The following ARHGAP23 variants were observed in gnomAD, a reference collection of about 807,000 sequenced individuals.
The protein encoded by ARHGAP23 is Rho GTPase activating protein 23.
A neutral mutation model predicts 136.3 loss-of-function variants in ARHGAP23; 34 were observed. The ratio of observed to expected loss-of-function variants is 0.25; its 90% confidence interval spans 0.19 to 0.33. The LOEUF (loss-of-function observed/expected upper bound fraction) is 0.33, where lower values mean the gene tolerates loss of function less well. ARHGAP23 is among the 10% of genes least tolerant of loss of function. ARHGAP23 has a pLI of 1.00. For synonymous variants in ARHGAP23, 832 were observed against 920.5 expected (o/e 0.90, Z 1.74); for missense variants, 1,808 against 2,139.0 (o/e 0.85, Z 3.05).
rs913535745 is a variant in ARHGAP23, at chr17:38,467,201, A to G, written c.1518A>G (p.Ala506=). The G allele has an allele frequency of 1.9e-6, 3 of 1,550,888 alleles. No individual in the cohort carries two copies. In the African/African-American group the frequency reaches 4.1e-5, roughly 21 times the overall value. Residue 506 remains alanine (A), a synonymous_variant, in exon 7 of 24, where the codon GCA becomes GCG. Coordinates refer to ENST00000622683, the MANE Select transcript of ARHGAP23 (RefSeq NM_001199417.2). ...GCCGCAAGGTTCAGCTGACCCCCGC[A>G]AGACAGATGAACCTTGGATTTGGTG... is the stretch of plus-strand genomic sequence containing the variant. The part of the protein sequence containing the change: ...PTGRKVQLTP[A]RQMNLGFGDE...
chr17:38,460,266 T>C (rs2039426632), intron 2 of ARHGAP23, among the ~76,000 whole-genome samples: 1 of 152,150 alleles, frequency 6.6e-6, no homozygotes, highest in South Asian at 2.1e-4. Flanking sequence ...ACCTCCACTC[T>C]CTCTCACAGA....
At chr17:38,446,322 G>T (rs958145201) in intron 1 of ARHGAP23, among the ~76,000 whole-genome samples, 1 of 151,498 alleles carries the variant, frequency 6.6e-6, no homozygotes, top group African/African-American at 2.4e-5. Flanking sequence ...ACCCCGCCTG[G>T]CCTTCACTTA....
chr17:38,467,117 G>A lies in ARHGAP23; in HGVS notation c.1434G>A (p.Leu478=). 1 of 1,550,334 alleles carries A rather than the reference G, an allele frequency of 6.5e-7. No homozygotes were observed. The highest frequency in any genetic ancestry group is 8.7e-7 in the Non-Finnish European group (1 of 1,146,708). ...GGCCGGAACCCAGCACCCGGGCCCT[G>A]GAGCCTCCTGCGGAGGATCGCGGCG... The part of the protein sequence containing the change: ...VVRPEPSTRA[L]EPPAEDRGDE... The change falls in exon 7 of 24, where the codon CTG becomes CTA. Residue 478 remains leucine (L), a synonymous_variant. Coordinates refer to ENST00000622683, the MANE Select transcript of ARHGAP23 (RefSeq NM_001199417.2).
Position 38,477,674 on chromosome 17 carries a change from G to T in ARHGAP23, c.2214G>T (p.Pro738=). ...SLSKERREPG[P]AAAGAAAAGA... ...GCAAGGAGCGGCGGGAGCCCGGGCC[G>T]GCGGCGGCGGGGGCTGCGGCGGCCG... is the stretch of plus-strand genomic sequence containing the variant. The change falls in exon 12 of 24, where the codon CCG becomes CCT. Residue 738 remains proline (P), a synonymous_variant. Coordinates refer to ENST00000622683, the MANE Select transcript of ARHGAP23 (RefSeq NM_001199417.2). This position sits in a 1 kb window ranked among gnomAD's most constrained non-coding sequence, Gnocchi z 6.6. The T allele has an allele frequency of 2.3e-6, 3 of 1,297,804 alleles. No individual in the cohort carries two copies. The highest frequency in any genetic ancestry group is 2.1e-5 in the South Asian group (1 of 48,428). 80.4% of individuals were successfully genotyped at this position (1,297,804 alleles called of 1,614,324 possible). A position where few individuals can be genotyped will look rare whatever the true frequency, so the allele number is the denominator to read the frequency against.
intron 1 of ARHGAP23, among the ~76,000 whole-genome samples, chr17:38,434,801 A>T (rs768969240): frequency 3.9e-5 from 6 of 152,138 alleles, no homozygotes; most frequent in Non-Finnish European, 8.8e-5. Flanking sequence ...AAAGTGTGAG[A>T]GCTTGGAAAG....
At chr17:38,428,375 C>CGG (rs769359302), upstream of ARHGAP23, 268 of 322,870 alleles carry the variant, frequency 8.3e-4, no homozygotes, top group East Asian at 1.2e-3. Flanking sequence ...GGGCGGACCC[C>CGG]GGGGGGGGCC....
In ARHGAP23 at chr17:38,467,038, C is replaced by T; in HGVS notation, c.1355C>T (p.Ala452Val). ...GGGGGGCTGCCTACCTTCAACCTGG[C>T]CCAGTCCCCTGCGTCATTCCCACCA... The part of the protein sequence containing the change: ...PFGGLPTFNL[A>V]QSPASFPPEA... The change falls in exon 7 of 24, where the codon GCC becomes GTC. Residue 452 changes from alanine (A) to valine (V), a missense_variant. Physicochemically the swap from Ala to Val is moderately conservative, Grantham distance 64 (BLOSUM62 0). Transcript: ENST00000622683. 6.4e-7 allele frequency: 1 copy of T among 1,550,970 alleles called. No individual in the cohort carries two copies. The highest frequency in any genetic ancestry group is 2.4e-5 in the East Asian group (1 of 40,914).
rs149050459 is a variant in ARHGAP23 at position 38,474,656 on chromosome 17, C to A, written c.2118+2650C>A. Among the ~76,000 whole-genome samples the A allele has an allele frequency of 9.6e-3, 1,464 of 152,258 alleles. 44 individuals carry two copies. Among genetic ancestry groups the A allele is most frequent in the Admixed American group, 0.055 (843 of 15,298 alleles). ...GGCGTGGCACTAGAGGGAGGCCCAC[C>A]TGGGGATGGCCTTTGTCTGTCAGCA... On this transcript the variant is annotated intron_variant, in intron 11 of 23. Transcript: ENST00000622683.
At chr17:38,465,075 A>C (rs1597793215) in intron 6 of ARHGAP23, among the ~76,000 whole-genome samples, 1 of 127,730 alleles carries the variant, frequency 7.8e-6, no homozygotes, top group Admixed American at 7.5e-5. Flanking sequence ...CACAGTGGTC[A>C]GTGGCGGGGT....
intron 12 of ARHGAP23, among the ~76,000 whole-genome samples, chr17:38,479,096 A>G (rs2039969532): frequency 6.6e-6 from 1 of 152,244 alleles, no homozygotes; most frequent in Admixed American, 6.5e-5. Context: ...CACCATCACT[A>G]TGGCAGTAGC....
intron 1 of ARHGAP23, among the ~76,000 whole-genome samples, chr17:38,456,080 G>T (rs544006606): frequency 6.6e-6 from 1 of 152,294 alleles, no homozygotes; most frequent in East Asian, 1.9e-4. Context: ...AGTCTAGAAC[G>T]GTCTGTCTCC....
chr17:38,424,783 C>T (rs2038553785), upstream of ARHGAP23, among the ~76,000 whole-genome samples: 1 of 152,198 alleles, frequency 6.6e-6, no homozygotes, highest in Admixed American at 6.5e-5. Flanking sequence ...TACTTGAGTT[C>T]TCTGGGCCTC....
intron 1 of ARHGAP23, among the ~76,000 whole-genome samples, chr17:38,441,936 C>A (rs371984149): frequency 6.6e-6 from 1 of 151,974 alleles, no homozygotes; most frequent in Non-Finnish European, 1.5e-5. Flanking sequence ...GCAGCTCCCC[C>A]CTTTTTCCCC....
intron 2 of ARHGAP23, among the ~76,000 whole-genome samples, chr17:38,458,758 C>T (rs1234695182): frequency 6.6e-6 from 1 of 152,198 alleles, no homozygotes; most frequent in Non-Finnish European, 1.5e-5. Flanking sequence ...GGCCACAGCT[C>T]AGTGCGCTGG....
rs1318997335 is a variant in ARHGAP23, at chr17:38,490,134, A to G, written c.3019A>G (p.Ile1007Val). 3.2e-6 allele frequency: 5 copies of G among 1,551,814 alleles called. No homozygotes were observed. Among genetic ancestry groups the G allele is most frequent in the Non-Finnish European group, 3.5e-6 (4 of 1,146,882 alleles). ...KYNDFIEANR[I>V]EDARERMRTL... ...CAACGACTTCATCGAGGCCAACCGC[A>G]TTGAGGACGCGCGGGAGCGAATGAG... The change falls in exon 18 of 24, where the codon ATT becomes GTT. Residue 1007 changes from isoleucine to valine, a missense_variant. This residue lies in a region of ARHGAP23 where 105 missense variants were observed against 200.6 expected (regional missense o/e 0.52). Coordinates refer to ENST00000622683, the MANE Select transcript of ARHGAP23 (RefSeq NM_001199417.2).
chr17:38,422,527 C>G (rs2038529439), intron 1 of ARHGAP23, among the ~76,000 whole-genome samples: 1 of 152,160 alleles, frequency 6.6e-6, no homozygotes, highest in South Asian at 2.1e-4. Flanking sequence ...ATGGCCAGTT[C>G]AGAGTGGCAG....
At chr17:38,486,533 T>C in intron 17 of ARHGAP23, among the ~76,000 whole-genome samples, 1 of 126,940 alleles carries the variant, frequency 7.9e-6, no homozygotes, top group African/African-American at 2.7e-5. Flanking sequence ...GCCACCACGC[T>C]GGCTTTTTTT....
At chr17:38,460,420 G>A (rs1045335034) in intron 2 of ARHGAP23, among the ~76,000 whole-genome samples, 6 of 152,230 alleles carry the variant, frequency 3.9e-5, no homozygotes, top group African/African-American at 4.8e-5. Flanking sequence ...GCCAGCCAGC[G>A]TCTGCACACC....
chr17:38,475,781 TCC>T (rs35556322), intron 11 of ARHGAP23, among the ~76,000 whole-genome samples: 1 of 152,126 alleles, frequency 6.6e-6, no homozygotes, highest in South Asian at 2.1e-4. Context: ...AAGCTCCCTG[TCC>T]CCAGGACAGC....
Sources: allele counts gnomAD v4.1 joint callset (sites outside exome capture counted in the v4.1 genomes callset), GRCh38; gene constraint gnomAD v4.1.1; regional missense constraint gnomAD v4.1.1; non-coding constraint Gnocchi (gnomAD v3.1); transcripts MANE v1.5; gene names NCBI Gene and HGNC (gene_info 2026-07-23, HGNC 2026-07-21).